TG: variants seen among roughly 807,000 people sequenced by gnomAD.
The protein encoded by TG is thyroid hormones.
Under a neutral mutation model 324.7 loss-of-function variants are expected in TG, and 270 were observed. That is an observed-to-expected ratio of 0.83 (90% CI 0.75 to 0.92). TG has a LOEUF of 0.92. Ranked by LOEUF, TG falls within the 40% of genes least tolerant of loss-of-function variation. The probability of loss-of-function intolerance (pLI) is 0.00; values close to 1 mark genes in which losing one functional copy is unlikely to be tolerated. For missense variants in TG, 3,591 were observed against 3,456.4 expected (o/e 1.04, Z -0.98); for synonymous variants, 1,401 against 1,327.0 (o/e 1.06, Z -1.21).
rs752145033 is a variant in TG at position 132,923,423 on chromosome 8, T to G, written c.4614T>G (p.Ser1538Arg). 6.2e-7 allele frequency: 1 copy of G among 1,613,966 alleles called. No individual in the cohort carries two copies. Among genetic ancestry groups the G allele is most frequent in the South Asian group, 1.1e-5 (1 of 91,072 alleles). ...GAGCCAGCCAGAAGGACAGGGGCAG[T>G]GGGAAGGCCTTCTGTGTGGACGGCG... ...QYRASQKDRG[S>R]GKAFCVDGEG... Residue 1538 changes from serine to arginine, a missense_variant, in exon 22 of 48, where the codon AGT becomes AGG. Ser to Arg is a moderately radical substitution (Grantham distance 110). Transcript: ENST00000220616.
At chr8:133,004,882 G>T (rs1833887057) in intron 35 of TG, among the ~76,000 whole-genome samples, 1 of 152,192 alleles carries the variant, frequency 6.6e-6, no homozygotes, top group Admixed American at 6.5e-5. Context: ...TTTGGAGCCT[G>T]CATGGTAACT....
intron 26 of TG, among the ~76,000 whole-genome samples, chr8:132,942,678 T>C (rs1002794511): frequency 2.6e-5 from 4 of 152,122 alleles, no homozygotes; most frequent in African/African-American, 9.7e-5. Context: ...GCAAACATGT[T>C]TGGAGCACTA....
chr8:132,980,144 A>G (rs367948028), intron 34 of TG, among the ~76,000 whole-genome samples: 1 of 152,120 alleles, frequency 6.6e-6, no homozygotes, highest in African/African-American at 2.4e-5. Context: ...GAGTGACAAA[A>G]GTATCTTTTT....
At chr8:133,027,500 G>C (rs1836210989) in intron 40 of TG, among the ~76,000 whole-genome samples, 1 of 152,162 alleles carries the variant, frequency 6.6e-6, no homozygotes, top group Admixed American at 6.5e-5. Flanking sequence ...CTGGAGCTGA[G>C]ACACACAGAC....
chr8:133,096,251 G>C lies in TG; in HGVS notation c.7450G>C (p.Asp2484His). ...GPFHYWGPVI[D>H]GHFLREPPAR... ...TTTCCACTACTGGGGTCCTGTGATC[G>C]ATGGCCACTTCCTCCGTGAGCCTCC... Residue 2484 changes from aspartate to histidine, a missense_variant, in exon 43 of 48, where the codon GAT (aspartate) becomes CAT (histidine). Asp to His is a moderately conservative substitution (Grantham distance 81). Transcript: ENST00000220616. The C allele has an allele frequency of 6.2e-7, 1 of 1,614,206 alleles. No individual in the cohort carries two copies. Among genetic ancestry groups the C allele is most frequent in the Non-Finnish European group, 8.5e-7 (1 of 1,180,046 alleles).
rs747501859 is a variant in TG at position 132,888,046 on chromosome 8, T to A, written c.2239T>A (p.Ser747Thr). 24 of 1,614,122 alleles carry A rather than the reference T, an allele frequency of 1.5e-5. No homozygotes were observed. Among genetic ancestry groups the A allele is most frequent in the Non-Finnish European group, 1.9e-5 (22 of 1,180,030 alleles). Reference protein sequence around the residue: ...AFLRTVQALLSNSSMLPTLSD... With the variant: ...AFLRTVQALLTNSSMLPTLSD... ...CCTCAGGACGGTGCAGGCCCTGCTC[T>A]CTAACTCCAGCATGCTACCCACCCT... The change falls in exon 10 of 48, where the codon TCT becomes ACT. Residue 747 changes from serine (S) to threonine (T), a missense_variant. Transcript: ENST00000220616.
At chr8:133,072,450 A>G (rs1844207360) in intron 41 of TG, among the ~76,000 whole-genome samples, 1 of 152,096 alleles carries the variant, frequency 6.6e-6, no homozygotes, top group African/African-American at 2.4e-5. Context: ...GGATAGATGG[A>G]TAGATAGATA....
At chr8:133,132,158 T>C (rs1329818836) in intron 46 of TG, among the ~76,000 whole-genome samples, 2 of 152,226 alleles carry the variant, frequency 1.3e-5, no homozygotes, top group Non-Finnish European at 2.9e-5. Flanking sequence ...AAGCTCTAAT[T>C]ATACCAGCTG....
At chr8:133,050,017 A>G (rs768443726) in intron 41 of TG, 8 of 1,460,160 alleles carry the variant, frequency 5.5e-6, no homozygotes, top group Non-Finnish European at 6.7e-6. Flanking sequence ...AGAAGAACAC[A>G]GAGATAGGTA....
In TG at chr8:132,893,936, G is replaced by T; in HGVS notation, c.3001+7G>T. On this transcript the variant is annotated splice_region_variant and intron_variant, in intron 11 of 47. Coordinates refer to ENST00000220616, the MANE Select transcript of TG (RefSeq NM_003235.5). ...CGCCTGGCGGCTCAGTCTAGTGAGTGTGGTGCCCTTCAGCTTTCTTACTGC... is the reference window on the plus strand; with the variant it reads ...CGCCTGGCGGCTCAGTCTAGTGAGTTTGGTGCCCTTCAGCTTTCTTACTGC... 6.2e-7 allele frequency: 1 copy of T among 1,614,042 alleles called. No individual in the cohort carries two copies.
At chr8:133,065,592 T>A (rs577324257) in intron 41 of TG, among the ~76,000 whole-genome samples, 1 of 151,966 alleles carries the variant, frequency 6.6e-6, no homozygotes, top group East Asian at 1.9e-4. Flanking sequence ...AGGAACCCCG[T>A]CTCTACTAAA....
At chr8:132,970,604 G>A (rs922484750) in intron 32 of TG, among the ~76,000 whole-genome samples, 2 of 152,150 alleles carry the variant, frequency 1.3e-5, no homozygotes, top group Non-Finnish European at 2.9e-5. Flanking sequence ...TTTGAAAATG[G>A]GGGTAAAAAG....
rs879197341 is a variant in TG, at chr8:132,969,687, C to G, written c.5975+118C>G. On this transcript the variant is annotated intron_variant, in intron 32 of 47. Coordinates refer to ENST00000220616, the MANE Select transcript of TG (RefSeq NM_003235.5). Reference sequence around the variant, plus strand: ...CAGCACTTTGGGAGGCCGAGCTGGGCTGATCACGAGGTCAAGAGATCAAGA... The same window carrying G: ...CAGCACTTTGGGAGGCCGAGCTGGGGTGATCACGAGGTCAAGAGATCAAGA... 1.7e-5 allele frequency: 13 copies of G among 772,966 alleles called. No homozygotes were observed. The South Asian group carries it at 1.7e-4, about 10-fold the overall frequency. The allele number at this position is 772,966 out of a possible 1,614,324, so 47.9% of individuals were successfully genotyped here. A position where few individuals can be genotyped will look rare whatever the true frequency, so the allele number is the denominator to read the frequency against.
chr8:133,037,633 C>T (rs10106075), intron 41 of TG: 22,404 of 151,316 alleles, frequency 0.15, 1,980 homozygotes, highest in African/African-American at 0.24. Flanking sequence ...TTAGGACTTA[C>T]GCATCTTTTT....
intron 19 of TG, among the ~76,000 whole-genome samples, chr8:132,912,309 C>T (rs1320035942): frequency 6.6e-6 from 1 of 152,142 alleles, no homozygotes; most frequent in Non-Finnish European, 1.5e-5. Flanking sequence ...CAAAGAGAGC[C>T]TGGATAATGT....
intron 43 of TG, 79 bp from the exon 44 acceptor site, chr8:133,113,343 T>C (rs935920897): frequency 1.9e-6 from 3 of 1,556,566 alleles, no homozygotes; most frequent in Non-Finnish European, 2.6e-6. Flanking sequence ...GAGAAAATTC[T>C]AGAGCAAGGG....
chr8:132,867,098 G>A (rs1381213554), intron 1 of TG, 31 bp downstream of exon 1: 2 of 1,574,718 alleles, frequency 1.3e-6, no homozygotes, highest in Middle Eastern at 1.7e-4. Flanking sequence ...GCCAGGCGGT[G>A]GGGAGGGAGC....
At chr8:133,046,733 G>A (rs1041401031) in intron 41 of TG, among the ~76,000 whole-genome samples, 4 of 152,220 alleles carry the variant, frequency 2.6e-5, no homozygotes, top group African/African-American at 9.6e-5. Flanking sequence ...GGCACAGGAT[G>A]TTTTGCTTTT....
At chr8:132,948,967 A>G in intron 27 of TG, 24 bp downstream of exon 27, 1 of 1,609,250 alleles carries the variant, frequency 6.2e-7, no homozygotes, top group Non-Finnish European at 8.5e-7. Flanking sequence ...ATTTGTCCAT[A>G]TTCTTTCAAA....
Sources: allele counts gnomAD v4.1 joint callset (sites outside exome capture counted in the v4.1 genomes callset), GRCh38; gene constraint gnomAD v4.1.1; transcripts MANE v1.5; gene names NCBI Gene and HGNC (gene_info 2026-07-23, HGNC 2026-07-21).